SMYD4: variants seen among roughly 807,000 people sequenced by gnomAD.
The protein encoded by SMYD4 is SET and MYND domain containing 4.
A neutral mutation model predicts 72.8 loss-of-function variants in SMYD4; 68 were observed. The observed-to-expected ratio is 0.93, with a 90% confidence interval of 0.77 to 1.14. The LOEUF is 1.14. SMYD4 is among the 50% of genes most tolerant of loss of function. The pLI, the probability that SMYD4 is intolerant of heterozygous loss-of-function variation, is 0.00. For synonymous variants in SMYD4, 407 were observed against 388.6 expected (o/e 1.05, Z -0.56); for missense variants, 984 against 1,003.7 (o/e 0.98, Z 0.27).
intron 4 of SMYD4, among the ~76,000 whole-genome samples, chr17:1,802,704 T>C (rs1953382116): frequency 6.6e-6 from 1 of 152,208 alleles, no homozygotes; most frequent in South Asian, 2.1e-4. Context: ...TTCTCAACCC[T>C]AGGGTATAAT....
rs71150816 is a variant in SMYD4, at chr17:1,789,764, C to CCAAAAAAAAAA, written c.1538-2161_1538-2160insTTTTTTTTTTG. ...TGGGTGAAAGAGCGAGACTCTGTCT[C>CCAAAAAAAAAA]AAAAAAAAAAAAAAAGTTTTATAAA... On this transcript the variant is annotated intron_variant, in intron 5 of 10. Transcript: ENST00000305513. 4.3e-3 allele frequency among the ~76,000 whole-genome samples: 388 copies of CCAAAAAAAAAA among 90,038 alleles called. 39 individuals are homozygous for CCAAAAAAAAAA. The highest frequency in any genetic ancestry group is 0.01 in the African/African-American group (275 of 26,926). 59.1% of individuals were successfully genotyped at this position (90,038 alleles called of 152,430 possible). A position where few individuals can be genotyped will look rare whatever the true frequency, so the allele number is the denominator to read the frequency against.
At chr17:1,828,169 T>C (rs1228529002) in intron 1 of SMYD4, among the ~76,000 whole-genome samples, 163 bp from the exon 2 acceptor site, 1 of 151,980 alleles carries the variant, frequency 6.6e-6, no homozygotes, top group Admixed American at 6.6e-5. Context: ...GCTAACACAG[T>C]GAAACCCCGT....
At chr17:1,792,439 G>A (rs1451423277) in intron 5 of SMYD4, among the ~76,000 whole-genome samples, 1 of 152,070 alleles carries the variant, frequency 6.6e-6, no homozygotes, top group Middle Eastern at 3.2e-3. Context: ...ACGAGGTCAG[G>A]AGATGGAGAC....
At chr17:1,781,524 T>C in intron 10 of SMYD4, 85 bp from the exon 11 acceptor site, 1 of 1,447,540 alleles carries the variant, frequency 6.9e-7, no homozygotes, top group Non-Finnish European at 9.4e-7. Flanking sequence ...CCGTGAAGAA[T>C]GTAAGATCAT....
intron 3 of SMYD4, among the ~76,000 whole-genome samples, chr17:1,808,337 A>C (rs1376756295): frequency 6.6e-6 from 1 of 152,224 alleles, no homozygotes; most frequent in Admixed American, 6.5e-5. Context: ...AAATGGGCAC[A>C]ATCAATTGTC....
chr17:1,800,262 C>T lies in SMYD4; in HGVS notation c.1132G>A (p.Asp378Asn). Residue 378 changes from aspartate to asparagine, a missense_variant, in exon 5 of 11, where the codon GAC (aspartate) becomes AAC (asparagine). By Grantham distance (23) the Asp-to-Asn change is conservative. Transcript: ENST00000305513. ...TKLCDKISNK[D>N]ICLPESNNQV... The stretch of plus-strand genomic sequence containing the variant: ...TTGTTGCTTTCAGGTAAACAGATGT[C>T]CTTGTTACTAATCTTATCACAAAGC... The T allele has an allele frequency of 1.2e-6, 2 of 1,614,110 alleles. No individual in the cohort carries two copies. The highest frequency in any genetic ancestry group is 1.7e-6 in the Non-Finnish European group (2 of 1,180,034).
chr17:1,787,133 G>A (rs17821469), intron 6 of SMYD4, among the ~76,000 whole-genome samples, 160 bp from the exon 7 acceptor site: 41,211 of 152,196 alleles, frequency 0.27, 6,191 homozygotes, highest in East Asian at 0.37. Flanking sequence ...AAGCTTCCAA[G>A]TTGCTGAGAC....
chr17:1,827,776 G>A, intron 2 of SMYD4, 85 bp downstream of exon 2: 2 of 1,486,588 alleles, frequency 1.3e-6, no homozygotes, highest in South Asian at 2.6e-5. Context: ...CTTTATTTAA[G>A]AAAAAGACAC....
At chr17:1,811,158 A>G (rs1891108227) in intron 3 of SMYD4, among the ~76,000 whole-genome samples, 1 of 152,202 alleles carries the variant, frequency 6.6e-6, no homozygotes, top group Non-Finnish European at 1.5e-5. Context: ...AACTGTAAAC[A>G]TTCATCCCTA....
intron 3 of SMYD4, among the ~76,000 whole-genome samples, chr17:1,811,450 T>C (rs1910327317): frequency 6.6e-6 from 1 of 152,190 alleles, no homozygotes; most frequent in African/African-American, 2.4e-5. Flanking sequence ...CCCAAAGGGC[T>C]GGGATTACGG....
chr17:1,824,197 G>T (rs1911040413), intron 2 of SMYD4, among the ~76,000 whole-genome samples: 1 of 152,038 alleles, frequency 6.6e-6, no homozygotes, highest in Admixed American at 6.6e-5. Flanking sequence ...ACAAACATTA[G>T]CCGGGCATGA....
At chr17:1,783,929 C>A (rs773307933) in intron 8 of SMYD4, 3 of 292,666 alleles carry the variant, frequency 1.0e-5, no homozygotes, top group Non-Finnish European at 1.9e-5. Flanking sequence ...CGCCCCACTG[C>A]TCTCTAGCAG....
chr17:1,816,751 T>A (rs9904805), intron 2 of SMYD4, among the ~76,000 whole-genome samples: 285 of 151,734 alleles, frequency 1.9e-3, no homozygotes, highest in Non-Finnish European at 2.9e-3. Flanking sequence ...TCGCACACTA[T>A]GGCCTTTTTG....
chr17:1,783,129 G>T lies in SMYD4; in HGVS notation c.2167C>A (p.Gln723Lys). 1 of 1,614,180 alleles carries T rather than the reference G, an allele frequency of 6.2e-7. No homozygotes were observed. Among genetic ancestry groups the T allele is most frequent in the Non-Finnish European group, 8.5e-7 (1 of 1,180,036 alleles). ...GDWQKSATHLQRSLYVVEVRH... is the reference protein window; with the variant it reads ...GDWQKSATHLKRSLYVVEVRH... ...ACCTCCACCACGTAGAGACTCCTCT[G>T]TAGATGGGTGGCTGACTTTTGCCAG... The change falls in exon 10 of 11, where the codon CAG (glutamine) becomes AAG (lysine). Residue 723 changes from glutamine (Q) to lysine (K), a missense_variant. By Grantham distance (53) the Gln-to-Lys change is moderately conservative. Coordinates refer to ENST00000305513, the MANE Select transcript of SMYD4 (RefSeq NM_052928.3).
intron 4 of SMYD4, among the ~76,000 whole-genome samples, chr17:1,801,430 C>T (rs1017194390): frequency 3.3e-5 from 5 of 150,934 alleles, no homozygotes; most frequent in Admixed American, 6.6e-5. Context: ...TTAGTAGAGA[C>T]GGGGTTTTGC....
At chr17:1,815,126 C>T (rs190048170) in intron 2 of SMYD4, among the ~76,000 whole-genome samples, 2 of 151,016 alleles carry the variant, frequency 1.3e-5, no homozygotes, top group South Asian at 2.1e-4. Context: ...TGCAGTGGTG[C>T]GATCTCGGCT....
chr17:1,811,571 A>G lies in SMYD4; in HGVS notation c.279+400T>C, dbSNP rs142549696. On this transcript the variant is annotated intron_variant, in intron 3 of 10. Coordinates refer to ENST00000305513, the MANE Select transcript of SMYD4 (RefSeq NM_052928.3). ...TCCATTCAATAAATTATAGACAAAG[A>G]TAACACTGGCTATACAATTTAGCAA... 1.9e-3 allele frequency among the ~76,000 whole-genome samples: 282 copies of G among 152,336 alleles called. 2 individuals carry two copies. Among genetic ancestry groups the G allele is most frequent in the African/African-American group, 6.4e-3 (264 of 41,568 alleles).
chr17:1,785,547 G>T (rs1328624283), intron 7 of SMYD4, among the ~76,000 whole-genome samples: 1 of 151,988 alleles, frequency 6.6e-6, no homozygotes, highest in Non-Finnish European at 1.5e-5. Flanking sequence ...GAGGCCAGGA[G>T]ATCGAGACCA....
At position 1,781,594 on chromosome 17, in the gene SMYD4, T is replaced by G. The variant is rs1908367257; in HGVS notation, c.2262-155A>C. 3 of 786,764 alleles carry G rather than the reference T, an allele frequency of 3.8e-6. No individual in the cohort carries two copies. The East Asian group carries it at 9.1e-5, about 24-fold the overall frequency. 48.7% of individuals were successfully genotyped at this position (786,764 alleles called of 1,614,324 possible). A position where few individuals can be genotyped will look rare whatever the true frequency, so the allele number is the denominator to read the frequency against. ...AAGTAAGACACTGTCACAAACACGC[T>G]GCAAAACAAAAGTGTGAGAAAACAG... On this transcript the variant is annotated intron_variant, in intron 10 of 10. Transcript: ENST00000305513.
Sources: gnomAD v4.1 joint callset for allele counts (sites outside exome capture counted in the v4.1 genomes callset) on GRCh38, gnomAD v4.1.1 for gene constraint, MANE v1.5 for transcripts, NCBI Gene and HGNC (gene_info 2026-07-23, HGNC 2026-07-21) for gene names.